The following LCP1 variants were observed in gnomAD, a reference collection of about 807,000 sequenced individuals.
The protein encoded by LCP1 is lymphocyte cytosolic protein 1.
Under a neutral mutation model 72.0 loss-of-function variants are expected in LCP1, and 23 were observed. The observed-to-expected ratio is 0.32, with a 90% CI of 0.23 to 0.45. LCP1 has a LOEUF of 0.45. Among genes scored for constraint, LCP1 ranks in the 20% least tolerant of loss-of-function variants. LCP1 has a pLI of 1.00. For synonymous variants in LCP1, 245 were observed against 275.4 expected (o/e 0.89, Z 1.09); for missense variants, 571 against 748.3 (o/e 0.76, Z 2.76).
chr13:46,127,364 A>T lies in LCP1; in HGVS notation c.*227T>A. The T allele has an allele frequency of 2.5e-6, 1 of 407,326 alleles. No individual in the cohort carries two copies. The highest frequency in any genetic ancestry group is 4.3e-6 in the Non-Finnish European group (1 of 231,636). The allele number at this position is 407,326 out of a possible 1,614,324, so 25.2% of individuals were successfully genotyped here. A position where few individuals can be genotyped will look rare whatever the true frequency, so the allele number is the denominator to read the frequency against. ...TTCCTCTAGATTTTCGAAGAAGCAA[A>T]TAAATCAAGAATAGAAACCTATATA... On this transcript the variant is annotated 3_prime_UTR_variant, in exon 16 of 16. Coordinates refer to ENST00000323076, the MANE Select transcript of LCP1 (RefSeq NM_002298.5).
rs2045824603 is a variant in LCP1 at position 46,159,500 on chromosome 13, T to A, written c.64+99A>T. ...AACAAATACTACTGGTTTCTTGTCA[T>A]CTCTGAAATTTTGCTCATGTTCCCA... On this transcript the variant is annotated intron_variant, in intron 2 of 15. Coordinates refer to ENST00000323076, the MANE Select transcript of LCP1 (RefSeq NM_002298.5). 8 of 917,228 alleles carry A rather than the reference T, an allele frequency of 8.7e-6. No individual in the cohort carries two copies. The South Asian group carries it at 1.1e-4, about 13-fold the overall frequency. 56.8% of individuals were successfully genotyped at this position (917,228 alleles called of 1,614,324 possible). A position where few individuals can be genotyped will look rare whatever the true frequency, so the allele number is the denominator to read the frequency against.
At chr13:46,130,490 T>C (rs528360803) in intron 15 of LCP1, among the ~76,000 whole-genome samples, 96 of 152,326 alleles carry the variant, frequency 6.3e-4, no homozygotes, top group African/African-American at 2.2e-3. Context: ...TGCATTCTTA[T>C]CCATGAATAT....
In LCP1 at chr13:46,147,121, GT is replaced by G; in HGVS notation, c.979-19del. On this transcript the variant is annotated intron_variant, in intron 9 of 15. Coordinates refer to ENST00000323076, the MANE Select transcript of LCP1 (RefSeq NM_002298.5). ...TCCTTCTCCTGCAATGCAAAAGGAT[GT>G]CTCAGGGCTGGGTCAAGGCTCTCCA... The G allele has an allele frequency of 1.3e-6, 2 of 1,555,728 alleles. No individual in the cohort carries two copies. The highest frequency in any genetic ancestry group is 2.5e-5 in the South Asian group (2 of 80,982).
intron 1 of LCP1, among the ~76,000 whole-genome samples, chr13:46,176,283 T>C (rs916434719): frequency 6.6e-6 from 1 of 152,252 alleles, no homozygotes; most frequent in Non-Finnish European, 1.5e-5. Flanking sequence ...CTAGACATTG[T>C]ATGTATTGAA....
rs1333556249 is a variant in LCP1 at position 46,125,941 on chromosome 13, T to C, written c.*1650A>G. Reference sequence around the variant, plus strand: ...CACCTAATATAGGGAACATTTTATTTGGAAAGATTTTGAGCATCATTCTCT... The same window carrying C: ...CACCTAATATAGGGAACATTTTATTCGGAAAGATTTTGAGCATCATTCTCT... On this transcript the variant is annotated 3_prime_UTR_variant, in exon 16 of 16. Coordinates refer to ENST00000323076, the MANE Select transcript of LCP1 (RefSeq NM_002298.5). 2.7e-5 allele frequency: 5 copies of C among 185,432 alleles called. No homozygotes were observed. Among genetic ancestry groups the C allele is most frequent in the Non-Finnish European group, 5.7e-5 (5 of 87,394 alleles). 11.5% of individuals were successfully genotyped at this position (185,432 alleles called of 1,614,324 possible).
Position 46,142,890 on chromosome 13 carries a change from C to G in LCP1, c.1368+400G>C, listed in dbSNP as rs193256238. ...AAGAAATGCTGAGAAATGGCTGTGT[C>G]AACCCTGTTGTTTCAAAACAATGTT... is the stretch of plus-strand genomic sequence containing the variant. On this transcript the variant is annotated intron_variant, in intron 12 of 15. Transcript: ENST00000323076. The G allele has an allele frequency of 2.5e-5, 10 of 402,042 alleles. No individual in the cohort carries two copies. The East Asian group carries it at 5.3e-4, about 21-fold the overall frequency. 24.9% of individuals were successfully genotyped at this position (402,042 alleles called of 1,614,324 possible).
chr13:46,147,530 T>A (rs927667427), intron 9 of LCP1, among the ~76,000 whole-genome samples: 3 of 152,242 alleles, frequency 2.0e-5, no homozygotes, highest in African/African-American at 7.2e-5. Context: ...TCACAAAAGA[T>A]ATTTACACTT....
At chr13:46,133,541 A>G (rs1222059694) in intron 14 of LCP1, among the ~76,000 whole-genome samples, 1 of 152,140 alleles carries the variant, frequency 6.6e-6, no homozygotes, top group Non-Finnish European at 1.5e-5. Flanking sequence ...CAGGAGGATC[A>G]CTTGAGCCCA....
rs769106826 is a variant in LCP1 at position 46,156,587 on chromosome 13, A to C, written c.359-17T>G. The C allele has an allele frequency of 6.2e-7, 1 of 1,613,936 alleles. No homozygotes were observed. Among genetic ancestry groups the C allele is most frequent in the Non-Finnish European group, 8.5e-7 (1 of 1,179,872 alleles). ...TTTCTTCCTCTGCAAGTAAATGATT[A>C]AAGTGACTCATTTGCAAAGTGAAAC... On this transcript the variant is annotated splice_polypyrimidine_tract_variant and intron_variant, in intron 4 of 15. Transcript: ENST00000323076.
At chr13:46,159,409 G>A in intron 2 of LCP1, 190 bp downstream of exon 2, 2 of 595,588 alleles carry the variant, frequency 3.4e-6, no homozygotes, top group South Asian at 4.2e-5. Context: ...CATATTCCAT[G>A]TTTTGATAGA....
intron 1 of LCP1, among the ~76,000 whole-genome samples, chr13:46,160,754 G>C (rs76296783): frequency 1.3e-5 from 2 of 152,100 alleles, no homozygotes; most frequent in Non-Finnish European, 1.5e-5. Context: ...GTTTCAAATC[G>C]GAGACCCACT....
intron 13 of LCP1, among the ~76,000 whole-genome samples, chr13:46,136,247 TAATCATTTG>T (rs1335234881): frequency 6.6e-6 from 1 of 152,198 alleles, no homozygotes; most frequent in Non-Finnish European, 1.5e-5. Flanking sequence ...AGTGAATTCC[TAATCATTTG>T]AACAATCCTC....
At chr13:46,159,268 G>T (rs1422861620) in intron 2 of LCP1, 1 of 517,334 alleles carries the variant, frequency 1.9e-6, no homozygotes, top group Non-Finnish European at 3.4e-6. Flanking sequence ...GGAAACCACA[G>T]GTTTAGTGAT....
intron 13 of LCP1, among the ~76,000 whole-genome samples, chr13:46,137,210 A>T (rs1475380754): frequency 1.7e-5 from 1 of 58,920 alleles, no homozygotes; most frequent in Non-Finnish European, 3.1e-5. Flanking sequence ...GTAAAACGAT[A>T]AAAAAAAAAA....
At chr13:46,160,568 A>T (rs1046756263) in intron 1 of LCP1, among the ~76,000 whole-genome samples, 2 of 152,228 alleles carry the variant, frequency 1.3e-5, no homozygotes, top group Non-Finnish European at 2.9e-5. Flanking sequence ...CAGCTATGGG[A>T]ATCTGAGGCG....
chr13:46,172,747 T>A (rs1194377827), intron 1 of LCP1, among the ~76,000 whole-genome samples: 1 of 149,706 alleles, frequency 6.7e-6, no homozygotes, highest in African/African-American at 2.5e-5. Flanking sequence ...ACAAAATAAT[T>A]CTGCCCGGAA....
chr13:46,142,455 C>T (rs757992801), intron 12 of LCP1, 30 bp from the exon 13 acceptor site: 38 of 1,605,616 alleles, frequency 2.4e-5, no homozygotes, highest in East Asian at 1.8e-4. Context: ...AACGATTTAA[C>T]GTCATCATCT....
At chr13:46,159,792 A>G in intron 1 of LCP1, 106 bp from the exon 2 acceptor site, 1 of 676,852 alleles carries the variant, frequency 1.5e-6, no homozygotes, top group Non-Finnish European at 2.6e-6. Flanking sequence ...ATTCTTCTGC[A>G]TCCCCCATGA....
Position 46,134,021 on chromosome 13 carries a change from G to C in LCP1, c.1626+106C>G, listed in dbSNP as rs1027490430. ...ATTTAAGCAAAATTGAAATGGGAGGGGGAGCCTCTAATACCTACCACTGAA... is the reference window on the plus strand; with the variant it reads ...ATTTAAGCAAAATTGAAATGGGAGGCGGAGCCTCTAATACCTACCACTGAA... On this transcript the variant is annotated intron_variant, in intron 14 of 15. Transcript: ENST00000323076. 7 of 1,011,452 alleles carry C rather than the reference G, an allele frequency of 6.9e-6. No individual in the cohort carries two copies. The Admixed American group carries it at 1.8e-4, about 26-fold the overall frequency. 62.7% of individuals were successfully genotyped at this position (1,011,452 alleles called of 1,614,324 possible).
Sources: allele counts gnomAD v4.1 joint callset (sites outside exome capture counted in the v4.1 genomes callset), GRCh38; gene constraint gnomAD v4.1.1; transcripts MANE v1.5; gene names NCBI Gene and HGNC (gene_info 2026-07-23, HGNC 2026-07-21).